The following JAK2 variants were observed in gnomAD, a reference collection of about 807,000 sequenced individuals.
JAK2 encodes the protein Janus kinase 2.
Under a neutral mutation model 139.3 loss-of-function variants are expected in JAK2, and 86 were observed. That is an observed-to-expected ratio of 0.62 (90% CI 0.52 to 0.74). JAK2 has a LOEUF of 0.74. Ranked by LOEUF, JAK2 falls within the 30% of genes least tolerant of loss-of-function variation. The pLI is 0.00. For synonymous variants in JAK2, 490 were observed against 437.7 expected (o/e 1.12, Z -1.49); for missense variants, 1,421 against 1,360.3 (o/e 1.04, Z -0.70).
At chr9:5,040,719 C>T (rs754571042) in intron 4 of JAK2, among the ~76,000 whole-genome samples, 1 of 152,272 alleles carries the variant, frequency 6.6e-6, no homozygotes, top group Non-Finnish European at 1.5e-5. Context: ...AGATGCCCAA[C>T]AGGTGGGCCC....
chr9:5,105,610 C>A (rs201608356), intron 22 of JAK2, among the ~76,000 whole-genome samples: 36 of 152,078 alleles, frequency 2.4e-4, no homozygotes, highest in Non-Finnish European at 1.6e-4. Flanking sequence ...TTGCCAAGAC[C>A]ATCCTAAGCC....
intron 8 of JAK2, among the ~76,000 whole-genome samples, chr9:5,064,030 C>T (rs921980717): frequency 3.9e-5 from 6 of 152,044 alleles, no homozygotes; most frequent in African/African-American, 1.4e-4. Context: ...TTGGCGTGTG[C>T]CTGTAATCCC....
chr9:5,112,799 G>C, intron 22 of JAK2: 1 of 555,502 alleles, frequency 1.8e-6, no homozygotes, highest in Non-Finnish European at 2.9e-6. Flanking sequence ...GGTGCTTTCA[G>C]CTGCCCACCT....
chr9:5,115,165 C>T (rs1305421200), intron 22 of JAK2, among the ~76,000 whole-genome samples: 5 of 152,070 alleles, frequency 3.3e-5, no homozygotes, highest in Admixed American at 2.6e-4. Context: ...AATCTAGCCA[C>T]CTGACAAAAG....
At position 5,057,731 on chromosome 9, in the gene JAK2, G is replaced by A. The variant is rs141388083; in HGVS notation, c.1056+1943G>A. Among the ~76,000 whole-genome samples, 1,072 of 151,880 alleles carry A rather than the reference G, an allele frequency of 7.1e-3. 10 individuals are homozygous for A. Among genetic ancestry groups the A allele is most frequent in the African/African-American group, 0.025 (1,027 of 41,444 alleles). On this transcript the variant is annotated intron_variant, in intron 8 of 24. Transcript: ENST00000381652. ...CCGATAGCTGGGATTACAGGTGCAC[G>A]CCACCATGCTTGGCTAATTTTTTGT...
At chr9:5,028,283 A>G (rs1377951335) in intron 3 of JAK2, among the ~76,000 whole-genome samples, 1 of 152,208 alleles carries the variant, frequency 6.6e-6, no homozygotes, top group Non-Finnish European at 1.5e-5. Context: ...TCAATGAGTA[A>G]TAATACTTGG....
intron 2 of JAK2, among the ~76,000 whole-genome samples, chr9:4,995,716 A>G (rs563682756): frequency 6.6e-6 from 1 of 152,248 alleles, no homozygotes; most frequent in Non-Finnish European, 1.5e-5. Context: ...CTTGAAAATA[A>G]AATGAATAAA....
At position 5,127,541 on chromosome 9, in the gene JAK2, C is replaced by CTAT. The variant is rs1824077737; in HGVS notation, c.*752_*754dup. The CTAT allele has an allele frequency of 4.3e-6, 1 of 231,056 alleles. No homozygotes were observed. Among genetic ancestry groups the CTAT allele is most frequent in the African/African-American group, 2.2e-5 (1 of 45,174 alleles). The allele number at this position is 231,056 out of a possible 1,614,324, so 14.3% of individuals were successfully genotyped here. On this transcript the variant is annotated 3_prime_UTR_variant, in exon 25 of 25. Coordinates refer to ENST00000381652, the MANE Select transcript of JAK2 (RefSeq NM_004972.4). ...TATTTTATTATGGTTTCCCTTGTAT[C>CTAT]TATTTGTGGTGAATGTGTTTTTTAA...
rs555891849 is a variant in JAK2, at chr9:5,090,955, C to A, written c.3059+44C>A. 2.1e-5 allele frequency: 27 copies of A among 1,300,150 alleles called. No homozygotes were observed. In the East Asian group the frequency reaches 6.1e-4, roughly 29 times the overall value. 80.5% of individuals were successfully genotyped at this position (1,300,150 alleles called of 1,614,324 possible). On this transcript the variant is annotated intron_variant, in intron 22 of 24. Coordinates refer to ENST00000381652, the MANE Select transcript of JAK2 (RefSeq NM_004972.4). ...GATAAATGAAATTTTAGAGCACAGACTTCAAACTTTATTGTTGTTATTTAA... is the reference window on the plus strand; with the variant it reads ...GATAAATGAAATTTTAGAGCACAGAATTCAAACTTTATTGTTGTTATTTAA...
intron 19 of JAK2, among the ~76,000 whole-genome samples, chr9:5,086,831 C>A (rs1222289807): frequency 2.6e-5 from 4 of 152,126 alleles, no homozygotes; most frequent in African/African-American, 9.7e-5. Context: ...AAATTGGTGA[C>A]CCTTTCTAGA....
Position 5,021,967 on chromosome 9 carries a change from A to G in JAK2, c.-21A>G. ...CTTTATTGTTTTCTCTTACAGGCAAATGTTCTGAAAAAGACTCTGCATGGG... is the reference window on the plus strand; with the variant it reads ...CTTTATTGTTTTCTCTTACAGGCAAGTGTTCTGAAAAAGACTCTGCATGGG... On this transcript the variant is annotated 5_prime_UTR_variant, in exon 3 of 25. An upstream start codon of the reference 5' UTR is lost. Coordinates refer to ENST00000381652, the MANE Select transcript of JAK2 (RefSeq NM_004972.4). 4 of 1,566,720 alleles carry G rather than the reference A, an allele frequency of 2.6e-6. No individual in the cohort carries two copies. The highest frequency in any genetic ancestry group is 2.7e-5 in the African/African-American group (2 of 73,996).
chr9:5,079,970 T>G (rs1819571840), intron 16 of JAK2, among the ~76,000 whole-genome samples: 1 of 152,132 alleles, frequency 6.6e-6, no homozygotes. Context: ...GCTAACAAAT[T>G]GTGTGGCTTT....
intron 4 of JAK2, among the ~76,000 whole-genome samples, chr9:5,032,308 C>T (rs998381497): frequency 2.6e-5 from 4 of 152,256 alleles, no homozygotes; most frequent in African/African-American, 9.6e-5. Context: ...CCTCTGTAGA[C>T]TCCACCTCTG....
intron 20 of JAK2, 120 bp downstream of exon 20, chr9:5,089,983 C>G (rs1053654863): frequency 1.1e-4 from 55 of 521,504 alleles, no homozygotes; most frequent in Middle Eastern, 5.2e-4. Flanking sequence ...GAGAGGCATT[C>G]TATAATGACT....
chr9:5,123,061 C>T lies in JAK2; in HGVS notation c.3117C>T (p.Ser1039=). ...TTTCTGTGGCCTCAGATGTTTGGAG[C>T]TTTGGAGTGGTTCTGTATGAACTTT... is the stretch of plus-strand genomic sequence containing the variant. ...SKFSVASDVW[S]FGVVLYELFT... is the part of the protein sequence containing the mutation. Residue 1039 remains serine, a synonymous_variant, in exon 23 of 25, where the codon AGC becomes AGT. Transcript: ENST00000381652. 6.2e-7 allele frequency: 1 copy of T among 1,611,796 alleles called. No individual in the cohort carries two copies. The highest frequency in any genetic ancestry group is 1.3e-5 in the African/African-American group (1 of 74,936).
In JAK2 at chr9:5,063,969, A is replaced by C. The variant is rs545201187; in HGVS notation, c.1057-914A>C. 5.3e-5 allele frequency among the ~76,000 whole-genome samples: 8 copies of C among 152,326 alleles called. No individual in the cohort carries two copies. In the East Asian group the frequency reaches 7.7e-4, roughly 15 times the overall value. On this transcript the variant is annotated intron_variant, in intron 8 of 24. Transcript: ENST00000381652. ...TCAGGAATTTGAGACCAGCCTGGCC[A>C]ACATGTTGAAACTCTGTCTCTACTA...
intron 2 of JAK2, among the ~76,000 whole-genome samples, chr9:4,991,704 C>T (rs1820264215): frequency 7.0e-6 from 1 of 143,068 alleles, no homozygotes; most frequent in Non-Finnish European, 1.5e-5. Context: ...CACCCCACAT[C>T]TCCTTTTCTA....
intron 2 of JAK2, among the ~76,000 whole-genome samples, chr9:4,999,282 T>G (rs1468044518): frequency 6.6e-6 from 1 of 152,226 alleles, no homozygotes; most frequent in Non-Finnish European, 1.5e-5. Flanking sequence ...TTAGATTTCT[T>G]GTTTCTTAAG....
At chr9:5,069,901 T>C (rs201380361) in intron 11 of JAK2, 24 bp from the exon 12 acceptor site, 142 of 1,503,824 alleles carry the variant, frequency 9.4e-5, no homozygotes, top group Non-Finnish European at 8.8e-5. Flanking sequence ...TTTGAAGTGA[T>C]ATATATGTAT....
Sources: allele counts gnomAD v4.1 joint callset (sites outside exome capture counted in the v4.1 genomes callset), GRCh38; gene constraint gnomAD v4.1.1; transcripts MANE v1.5; gene names NCBI Gene and HGNC (gene_info 2026-07-23, HGNC 2026-07-21).